The following KIAA1958 variants were observed in gnomAD, a reference collection of about 807,000 sequenced individuals.
KIAA1958 encodes the protein uncharacterized protein KIAA1958.
Under a neutral mutation model 47.2 loss-of-function variants are expected in KIAA1958, and 14 were observed. The observed-to-expected ratio is 0.30, with a 90% confidence interval of 0.20 to 0.46. The LOEUF is 0.46. Among genes scored for constraint, KIAA1958 ranks in the 20% least tolerant of loss-of-function variants. The pLI, the probability that KIAA1958 is intolerant of heterozygous loss-of-function variation, is 1.00. For synonymous variants in KIAA1958, 354 were observed against 353.3 expected (o/e 1.00, Z -0.02); for missense variants, 803 against 909.2 (o/e 0.88, Z 1.50).
In KIAA1958 at chr9:112,591,572, T is replaced by A. The variant is rs987619946; in HGVS notation, c.1171+16321T>A. Among the ~76,000 whole-genome samples the A allele has an allele frequency of 2.1e-4, 32 of 152,200 alleles. 2 individuals are homozygous for A. Among genetic ancestry groups the A allele is most frequent in the Non-Finnish European group, 4.6e-4 (31 of 68,004 alleles). On this transcript the variant is annotated intron_variant, in intron 2 of 3. Coordinates refer to ENST00000337530, the MANE Select transcript of KIAA1958 (RefSeq NM_133465.4). ...GATTTTTTTTTAAGGAATGTAACTG[T>A]CATGTTAGACTACATATTATTCTTA...
At chr9:112,615,355 G>C (rs546680247) in intron 2 of KIAA1958, among the ~76,000 whole-genome samples, 1 of 151,446 alleles carries the variant, frequency 6.6e-6, no homozygotes, top group East Asian at 1.9e-4. Flanking sequence ...AGAAGGCGGA[G>C]GTTGCAGTGA....
In KIAA1958 at chr9:112,596,060, C is replaced by T. The variant is rs1000874381; in HGVS notation, c.1171+20809C>T. 4.5e-4 allele frequency among the ~76,000 whole-genome samples: 69 copies of T among 152,208 alleles called. 1 individual carries two copies. The highest frequency in any genetic ancestry group is 1.6e-3 in the African/African-American group (66 of 41,544). ...TCCGCCTCCCAAAGTGCTGGGATTACGGGCATGAGCCACCGCACCCAGCCG... is the reference window on the plus strand; with the variant it reads ...TCCGCCTCCCAAAGTGCTGGGATTATGGGCATGAGCCACCGCACCCAGCCG... On this transcript the variant is annotated intron_variant, in intron 2 of 3. Coordinates refer to ENST00000337530, the MANE Select transcript of KIAA1958 (RefSeq NM_133465.4).
intron 2 of KIAA1958, among the ~76,000 whole-genome samples, chr9:112,611,115 C>G (rs1239088501): frequency 1.3e-5 from 2 of 151,948 alleles, no homozygotes; most frequent in Admixed American, 1.3e-4. Flanking sequence ...CATTTAACCC[C>G]AAGGTTATCA....
intron 1 of KIAA1958, among the ~76,000 whole-genome samples, chr9:112,541,252 T>C (rs997318705): frequency 9.8e-5 from 15 of 152,298 alleles, no homozygotes; most frequent in Admixed American, 7.2e-4. Flanking sequence ...TTTCAAAGTT[T>C]TATGTTTTTT....
At chr9:112,561,928 A>T (rs1223919718) in intron 1 of KIAA1958, among the ~76,000 whole-genome samples, 1 of 152,226 alleles carries the variant, frequency 6.6e-6, no homozygotes, top group Non-Finnish European at 1.5e-5. Context: ...AGAATAGATC[A>T]TATAGTTGGT....
Position 112,606,060 on chromosome 9 carries a change from TACTC to T in KIAA1958, c.1171+30811_1171+30814del, listed in dbSNP as rs772252741. Among the ~76,000 whole-genome samples the T allele has an allele frequency of 3.0e-4, 46 of 152,346 alleles. 1 individual carries two copies. The highest frequency in any genetic ancestry group is 3.4e-3 in the Middle Eastern group (1 of 294). ...TACTTAATTCCTGACATGTATCAGT[TACTC>T]AGTCAGTGTGCTTGAGTGAATGAAT... On this transcript the variant is annotated intron_variant, in intron 2 of 3. Coordinates refer to ENST00000337530, the MANE Select transcript of KIAA1958 (RefSeq NM_133465.4).
rs564091532 is a variant in KIAA1958 at position 112,608,484 on chromosome 9, T to C, written c.1171+33233T>C. 4.6e-5 allele frequency among the ~76,000 whole-genome samples: 7 copies of C among 152,146 alleles called. 1 individual carries two copies. In the South Asian group the frequency reaches 1.5e-3, roughly 32 times the overall value. ...TTTTTTGTAGTGGAGTACCAAAATA[T>C]GCTGTATAAAAATAGAGAATTTGGC... On this transcript the variant is annotated intron_variant, in intron 2 of 3. Coordinates refer to ENST00000337530, the MANE Select transcript of KIAA1958 (RefSeq NM_133465.4).
Position 112,659,787 on chromosome 9 carries a change from G to A in KIAA1958, c.1869G>A (p.Arg623=). The change falls in exon 4 of 4, where the codon CGG becomes CGA. Residue 623 remains arginine (R), a synonymous_variant. Coordinates refer to ENST00000337530, the MANE Select transcript of KIAA1958 (RefSeq NM_133465.4). ...CHGKIYHEHS[R]GHKQCPYCLL... is the part of the protein sequence containing the mutation. ...GGAAGATCTACCATGAGCATTCCCGGGGACACAAACAGTGCCCTTACTGCC... is the reference window on the plus strand; with the variant it reads ...GGAAGATCTACCATGAGCATTCCCGAGGACACAAACAGTGCCCTTACTGCC... The A allele has an allele frequency of 1.2e-6, 2 of 1,614,100 alleles. No individual in the cohort carries two copies. The highest frequency in any genetic ancestry group is 8.5e-7 in the Non-Finnish European group (1 of 1,180,024).
intron 1 of KIAA1958, among the ~76,000 whole-genome samples, chr9:112,503,925 T>TTATATATATATATATA (rs5900006): frequency 6.8e-6 from 1 of 147,394 alleles, no homozygotes; most frequent in Admixed American, 6.8e-5. Flanking sequence ...GGGTTATAAA[T>TTATATATATATATATA]TATATATATA....
Position 112,575,202 on chromosome 9 carries a change from C to T in KIAA1958, c.1122C>T (p.Pro374=). 2 of 1,580,802 alleles carry T rather than the reference C, an allele frequency of 1.3e-6. No individual in the cohort carries two copies. Among genetic ancestry groups the T allele is most frequent in the East Asian group, 4.5e-5 (2 of 44,830 alleles). ...EPEVSSSQQQ[P]PVAPAITTEA... is the part of the protein sequence containing the mutation. ...AAGTGAGCTCCAGTCAGCAGCAGCC[C>T]CCAGTCGCTCCAGCCATAACCACTG... Residue 374 remains proline, a synonymous_variant, in exon 2 of 4, where the codon CCC becomes CCT. Coordinates refer to ENST00000337530, the MANE Select transcript of KIAA1958 (RefSeq NM_133465.4).
At chr9:112,497,274 A>G (rs889642651) in intron 1 of KIAA1958, among the ~76,000 whole-genome samples, 1 of 152,186 alleles carries the variant, frequency 6.6e-6, no homozygotes, top group African/African-American at 2.4e-5. Flanking sequence ...AAGCTAGGGC[A>G]TTTAAAAAGG....
chr9:112,509,086 G>GT (rs781639077), intron 1 of KIAA1958, among the ~76,000 whole-genome samples: 981 of 54,942 alleles, frequency 0.018, 44 homozygotes, highest in South Asian at 0.14. Context: ...TACATTTAAT[G>GT]TTTTTTTTTT....
At chr9:112,594,216 A>G (rs1243965844) in intron 2 of KIAA1958, among the ~76,000 whole-genome samples, 2 of 152,210 alleles carry the variant, frequency 1.3e-5, no homozygotes, top group East Asian at 3.8e-4. Flanking sequence ...AGGTGGGAAG[A>G]CAGATTTTGC....
intron 1 of KIAA1958, among the ~76,000 whole-genome samples, chr9:112,552,045 A>G (rs1428381379): frequency 6.6e-6 from 1 of 152,190 alleles, no homozygotes; most frequent in East Asian, 1.9e-4. Context: ...CTAGGTGGGT[A>G]GTTTGAATGG....
At chr9:112,657,723 A>G (rs1837174060) in intron 3 of KIAA1958, among the ~76,000 whole-genome samples, 2 of 152,162 alleles carry the variant, frequency 1.3e-5, no homozygotes, top group South Asian at 4.1e-4. Flanking sequence ...GACCATGAGC[A>G]AGGGCTGGTT....
chr9:112,546,010 A>G (rs1029206472), intron 1 of KIAA1958, among the ~76,000 whole-genome samples: 14 of 151,918 alleles, frequency 9.2e-5, no homozygotes, highest in Admixed American at 2.0e-4. Flanking sequence ...TGAGTTAGCT[A>G]AATTTATACT....
intron 2 of KIAA1958, among the ~76,000 whole-genome samples, chr9:112,630,507 A>G (rs966610678): frequency 6.6e-6 from 1 of 152,246 alleles, no homozygotes; most frequent in African/African-American, 2.4e-5. Flanking sequence ...AATTTTTTAA[A>G]TTATACCAAG....
chr9:112,552,913 C>G (rs1409150062), intron 1 of KIAA1958, among the ~76,000 whole-genome samples: 2 of 152,154 alleles, frequency 1.3e-5, no homozygotes, highest in African/African-American at 4.8e-5. Context: ...TGCAGCACAT[C>G]ATCCCTTTAT....
chr9:112,540,709 T>A (rs1834926111), intron 1 of KIAA1958, among the ~76,000 whole-genome samples: 1 of 151,842 alleles, frequency 6.6e-6, no homozygotes, highest in Non-Finnish European at 1.5e-5. Context: ...AATTTCTTTT[T>A]CTTTCCTTTT....
Sources: gnomAD v4.1 joint callset for allele counts (sites outside exome capture counted in the v4.1 genomes callset) on GRCh38, gnomAD v4.1.1 for gene constraint, MANE v1.5 for transcripts, NCBI Gene and HGNC (gene_info 2026-07-23, HGNC 2026-07-21) for gene names.